LRCH3: variants seen among roughly 807,000 people sequenced by gnomAD.
LRCH3 encodes the protein DISP complex protein LRCH3.
LRCH3 carries 68 observed loss-of-function variants against 104.5 expected under a neutral mutation model. The observed-to-expected ratio is 0.65, with a 90% confidence interval of 0.54 to 0.80. The LOEUF (loss-of-function observed/expected upper bound fraction) is 0.80, where lower values mean the gene tolerates loss of function less well. Among genes scored for constraint, LRCH3 ranks in the 30% least tolerant of loss-of-function variants. LRCH3 has a pLI of 0.00. For synonymous variants in LRCH3, 344 were observed against 361.3 expected (o/e 0.95, Z 0.54); for missense variants, 951 against 953.9 (o/e 1.00, Z 0.04).
chr3:197,848,195 C>G, intron 12 of LRCH3, 174 bp downstream of exon 12: 1 of 597,706 alleles, frequency 1.7e-6, no homozygotes, highest in Non-Finnish European at 3.0e-6. Context: ...GAGGACAGAA[C>G]AAGTGATTAT....
intron 12 of LRCH3, chr3:197,850,750 T>G (rs1273933355): frequency 2.3e-6 from 3 of 1,298,034 alleles, no homozygotes; most frequent in Non-Finnish European, 3.4e-6. Flanking sequence ...TGCGCACACC[T>G]GCCAACTCCA....
At chr3:197,880,870 A>T (rs1713698578) in intron 20 of LRCH3, 1 of 1,445,268 alleles carries the variant, frequency 6.9e-7, no homozygotes, top group African/African-American at 1.4e-5. Flanking sequence ...ATATTTGCAG[A>T]TGAGCACCCC....
intron 8 of LRCH3, among the ~76,000 whole-genome samples, chr3:197,835,422 G>A (rs1363172432): frequency 6.8e-6 from 1 of 148,034 alleles, no homozygotes; most frequent in East Asian, 2.0e-4. Context: ...GACTTCAGGT[G>A]ATCCACTCAC....
intron 16 of LRCH3, 84 bp downstream of exon 16, chr3:197,865,555 GAGGCCTTTCTGTGTTGACC>G: frequency 1.1e-6 from 1 of 909,868 alleles, no homozygotes; most frequent in South Asian, 2.1e-5. Flanking sequence ...AAATAGAGAC[GAGGCCTTTCTGTGTTGACC>G]AGGGTGGTCT....
intron 4 of LRCH3, chr3:197,823,191 AACTCCT>A (rs1734705025): frequency 6.6e-6 from 1 of 150,516 alleles, no homozygotes; most frequent in Non-Finnish European, 1.5e-5. Context: ...GCTGGTCTCA[AACTCCT>A]GACCTCATGA....
At position 197,791,404 on chromosome 3, in the gene LRCH3, G is replaced by C. The variant is rs757294924; in HGVS notation, c.126G>C (p.Pro42=). The C allele has an allele frequency of 6.3e-7, 1 of 1,592,994 alleles. No individual in the cohort carries two copies. The highest frequency in any genetic ancestry group is 1.8e-5 in the Admixed American group (1 of 55,934). ...CCGGGGCAGGCCCTGGTTTTGGCCC[G>C]GGCTCGTGGAGCCGCTCTCTCGATC... ...PSSGAGPGFG[P]GSWSRSLDRA... is the part of the protein sequence containing the mutation. Residue 42 remains proline (P), a synonymous_variant, in exon 1 of 21, where the codon CCG becomes CCC. Transcript: ENST00000425562.
In LRCH3 at chr3:197,883,665, G is replaced by A. The variant is rs1560068725; in HGVS notation, c.2333G>A (p.Ter778=). The part of the protein sequence containing the change: ...KQQQHQLSAV[*] ...CAGCAGCACCAGTTATCTGCTGTTT[G>A]AGGATCCCCAGGACGGTGGGCACTG... The change falls in exon 21 of 21, where the codon TGA becomes TAA. Residue 778 remains the stop codon, a stop_retained_variant. Transcript: ENST00000425562. The surrounding 1 kb of genome is among the most constrained non-coding windows in gnomAD (Gnocchi z 4.2). 6.5e-7 allele frequency: 1 copy of A among 1,535,950 alleles called. No homozygotes were observed. The highest frequency in any genetic ancestry group is 2.4e-5 in the East Asian group (1 of 40,922).
chr3:197,876,788 G>A (rs1448971291), intron 20 of LRCH3, among the ~76,000 whole-genome samples: 2 of 151,984 alleles, frequency 1.3e-5, no homozygotes, highest in South Asian at 4.2e-4. Context: ...TTTGGTTCCT[G>A]TTCCTGTAGC....
At chr3:197,817,348 G>GTC in intron 3 of LRCH3, 46 bp downstream of exon 3, 3 of 119,596 alleles carry the variant, frequency 2.5e-5, no homozygotes, top group Non-Finnish European at 3.2e-5. Flanking sequence ...GTGTGTGTCT[G>GTC]TGTGTGTGTG....
intron 8 of LRCH3, 52 bp from the exon 9 acceptor site, chr3:197,835,618 TTGAA>T: frequency 7.1e-7 from 1 of 1,409,980 alleles, no homozygotes; most frequent in Non-Finnish European, 9.4e-7. Context: ...GCTATCTAAT[TTGAA>T]TGTTTTTTTC....
intron 15 of LRCH3, 49 bp from the exon 16 acceptor site, chr3:197,865,374 G>A (rs1741361829): frequency 1.6e-6 from 2 of 1,239,958 alleles, no homozygotes; most frequent in South Asian, 1.3e-5. Flanking sequence ...AAAGTAGAAA[G>A]TATTTCTTCT....
intron 15 of LRCH3, among the ~76,000 whole-genome samples, chr3:197,860,372 G>C (rs1368110391): frequency 6.6e-6 from 1 of 152,066 alleles, no homozygotes; most frequent in Non-Finnish European, 1.5e-5. Flanking sequence ...TTTGCTGTTT[G>C]AATATTTTTA....
intron 1 of LRCH3, among the ~76,000 whole-genome samples, chr3:197,802,105 A>T (rs1174881260): frequency 2.6e-5 from 4 of 152,192 alleles, no homozygotes; most frequent in South Asian, 4.1e-4. Context: ...TGCTGCTGCT[A>T]TCCAGAGGGT....
intron 10 of LRCH3, among the ~76,000 whole-genome samples, chr3:197,846,296 C>T (rs955505166): frequency 2.0e-5 from 3 of 147,800 alleles, no homozygotes; most frequent in Non-Finnish European, 3.0e-5. Flanking sequence ...GCCAGCTGTT[C>T]GAAAGGCTGA....
chr3:197,872,380 A>T (rs1204320019), intron 19 of LRCH3, among the ~76,000 whole-genome samples: 1 of 137,740 alleles, frequency 7.3e-6, no homozygotes, highest in Non-Finnish European at 1.6e-5. Context: ...AAAAAAAAAA[A>T]GGAATGATGA....
At chr3:197,872,673 A>T (rs1289945209) in intron 19 of LRCH3, among the ~76,000 whole-genome samples, 1 of 152,220 alleles carries the variant, frequency 6.6e-6, no homozygotes, top group Non-Finnish European at 1.5e-5. Context: ...CCTGGCCAAC[A>T]TGGTGAAACC....
chr3:197,877,588 C>T (rs1391739421), intron 20 of LRCH3, among the ~76,000 whole-genome samples: 3 of 152,172 alleles, frequency 2.0e-5, no homozygotes, highest in Admixed American at 1.3e-4. Flanking sequence ...CCCAGTTCAC[C>T]GCACCTCTTT....
chr3:197,832,761 C>T (rs1015093087), intron 8 of LRCH3, among the ~76,000 whole-genome samples: 12 of 150,712 alleles, frequency 8.0e-5, no homozygotes, highest in African/African-American at 2.9e-4. Flanking sequence ...ATCTGAATCA[C>T]AGTTTTCCTT....
intron 8 of LRCH3, among the ~76,000 whole-genome samples, chr3:197,834,143 T>C (rs1736366351): frequency 6.6e-6 from 1 of 152,150 alleles, no homozygotes; most frequent in South Asian, 2.1e-4. Context: ...AAGTAACAGG[T>C]TGTGGTTTAA....
Sources: gnomAD v4.1 joint callset for allele counts (sites outside exome capture counted in the v4.1 genomes callset) on GRCh38, gnomAD v4.1.1 for gene constraint, Gnocchi (gnomAD v3.1) non-coding constraint, MANE v1.5 for transcripts, NCBI Gene and HGNC (gene_info 2026-07-23, HGNC 2026-07-21) for gene names.